The following SLC25A26 variants were observed in gnomAD, a reference collection of about 807,000 sequenced individuals.
SLC25A26 encodes mitochondrial S-adenosylmethionine carrier protein.
In SLC25A26, 36 loss-of-function variants were observed where a neutral mutation model predicts 37.8. That is an observed-to-expected ratio of 0.95 (90% CI 0.73 to 1.26). The LOEUF (loss-of-function observed/expected upper bound fraction) is 1.26, where lower values mean the gene tolerates loss of function less well. SLC25A26 is among the 50% of genes most tolerant of loss of function. The pLI, the probability that SLC25A26 is intolerant of heterozygous loss-of-function variation, is 0.00. For synonymous variants in SLC25A26, 129 were observed against 122.5 expected (o/e 1.05, Z -0.35); for missense variants, 390 against 331.1 (o/e 1.18, Z -1.38).
At chr3:66,221,904 C>G (rs1040891918) in intron 1 of SLC25A26, among the ~76,000 whole-genome samples, 1 of 151,418 alleles carries the variant, frequency 6.6e-6, no homozygotes, top group African/African-American at 2.4e-5. Flanking sequence ...AAATGGAGGC[C>G]CACAGTGATT....
Position 66,263,351 on chromosome 3 carries a change from G to T in SLC25A26, c.425G>T (p.Arg142Leu). 6.2e-7 allele frequency: 1 copy of T among 1,612,182 alleles called. No individual in the cohort carries two copies. The highest frequency in any genetic ancestry group is 8.5e-7 in the Non-Finnish European group (1 of 1,178,876). Reference protein sequence around the residue: ...LYEEGIQGLYRGYKSTVLREI... With the variant: ...LYEEGIQGLYLGYKSTVLREI... ...TTTCAGGGTATCCAAGGGTTGTATC[G>T]AGGCTATAAAAGCACAGTTTTAAGA... Residue 142 changes from arginine to leucine, a missense_variant, in exon 5 of 10, where the codon CGA becomes CTA. Transcript: ENST00000354883.
At chr3:66,225,371 G>A (rs373904598) in intron 1 of SLC25A26, among the ~76,000 whole-genome samples, 2 of 152,154 alleles carry the variant, frequency 1.3e-5, no homozygotes, top group Non-Finnish European at 2.9e-5. Flanking sequence ...TGCATCCTTC[G>A]AAGCCATAGC....
chr3:66,345,410 C>G (rs2076296525), intron 5 of SLC25A26, among the ~76,000 whole-genome samples: 1 of 151,914 alleles, frequency 6.6e-6, no homozygotes. Flanking sequence ...CTGCCCTTGC[C>G]CTCTCTCCAG....
At chr3:66,198,066 C>A (rs2106807265) in intron 1 of SLC25A26, among the ~76,000 whole-genome samples, 1 of 152,174 alleles carries the variant, frequency 6.6e-6, no homozygotes, top group South Asian at 2.1e-4. Flanking sequence ...CGGTCAAGGT[C>A]AGCCAGCATC....
intron 9 of SLC25A26, among the ~76,000 whole-genome samples, chr3:66,374,075 A>G (rs1178319854): frequency 2.0e-5 from 3 of 152,038 alleles, no homozygotes; most frequent in Admixed American, 2.0e-4. Context: ...GTTTTCTTCC[A>G]TAGACCTGAC....
chr3:66,322,074 A>T (rs994070689), intron 5 of SLC25A26, among the ~76,000 whole-genome samples: 1 of 152,148 alleles, frequency 6.6e-6, no homozygotes, highest in African/African-American at 2.4e-5. Flanking sequence ...AATTTCCAGC[A>T]CATGAACTTT....
At chr3:66,162,437 A>T (rs1227571710) in intron 1 of SLC25A26, among the ~76,000 whole-genome samples, 2 of 151,852 alleles carry the variant, frequency 1.3e-5, no homozygotes, top group Admixed American at 6.6e-5. Flanking sequence ...GGGCATCGAA[A>T]AAAAGCAGAA....
intron 1 of SLC25A26, among the ~76,000 whole-genome samples, chr3:66,223,200 A>G (rs2071582213): frequency 6.6e-6 from 1 of 152,234 alleles, no homozygotes; most frequent in Admixed American, 6.5e-5. Context: ...TCTTAGATGG[A>G]GTGACCAAGG....
intron 1 of SLC25A26, among the ~76,000 whole-genome samples, chr3:66,206,705 CTTTT>C (rs1315135962): frequency 7.5e-6 from 1 of 132,890 alleles, no homozygotes; most frequent in Non-Finnish European, 1.6e-5. Context: ...CTTACAGGTT[CTTTT>C]TTTTTTTTTT....
At chr3:66,335,968 G>A (rs2076085667) in intron 5 of SLC25A26, among the ~76,000 whole-genome samples, 1 of 152,116 alleles carries the variant, frequency 6.6e-6, no homozygotes, top group Non-Finnish European at 1.5e-5. Context: ...AAGCTATGGA[G>A]CTGTTCACAG....
At chr3:66,274,960 A>G (rs1295585098) in intron 5 of SLC25A26, among the ~76,000 whole-genome samples, 1 of 152,146 alleles carries the variant, frequency 6.6e-6, no homozygotes, top group Non-Finnish European at 1.5e-5. Flanking sequence ...ACGTATGTTT[A>G]TTGCGGCACT....
intron 5 of SLC25A26, among the ~76,000 whole-genome samples, chr3:66,275,507 A>G (rs1246397822): frequency 4.6e-5 from 7 of 152,148 alleles, no homozygotes; most frequent in African/African-American, 1.7e-4. Context: ...TCTAACACCT[A>G]GAAGAGTGTG....
intron 5 of SLC25A26, among the ~76,000 whole-genome samples, chr3:66,296,530 A>G (rs2074907469): frequency 6.6e-6 from 1 of 152,230 alleles, no homozygotes; most frequent in Non-Finnish European, 1.5e-5. Context: ...TTTTAAGAGT[A>G]AAAGCTTTGG....
chr3:66,263,140 T>C (rs986181535), intron 4 of SLC25A26, among the ~76,000 whole-genome samples, 192 bp from the exon 5 acceptor site: 13 of 152,240 alleles, frequency 8.5e-5, no homozygotes, highest in African/African-American at 2.2e-4. Context: ...GAGCTAGTTA[T>C]AGAGGTATAT....
At chr3:66,198,173 C>T (rs2071068748) in intron 1 of SLC25A26, among the ~76,000 whole-genome samples, 1 of 152,076 alleles carries the variant, frequency 6.6e-6, no homozygotes, top group Non-Finnish European at 1.5e-5. Flanking sequence ...TCAGAGTCAG[C>T]TTCAGGATCA....
chr3:66,283,714 ATTG>A (rs1274250122), intron 5 of SLC25A26, among the ~76,000 whole-genome samples: 15 of 152,190 alleles, frequency 9.9e-5, no homozygotes. Context: ...TTTATTTATT[ATTG>A]TTTTAATCTT....
chr3:66,369,661 C>T (rs1037425172), intron 8 of SLC25A26, 119 bp downstream of exon 8: 31 of 822,994 alleles, frequency 3.8e-5, no homozygotes, highest in Non-Finnish European at 6.1e-5. Context: ...GCATCTTATG[C>T]TGCCTGTGCA....
chr3:66,256,138 G>A (rs1174290457), intron 3 of SLC25A26, among the ~76,000 whole-genome samples: 5 of 152,080 alleles, frequency 3.3e-5, no homozygotes, highest in Non-Finnish European at 7.4e-5. Flanking sequence ...CAAGGAGTTA[G>A]TATACCCTTT....
intron 3 of SLC25A26, among the ~76,000 whole-genome samples, chr3:66,243,874 G>A (rs1440458892): frequency 1.3e-5 from 2 of 152,144 alleles, no homozygotes; most frequent in African/African-American, 4.8e-5. Context: ...TTTTCCATCA[G>A]CTTCTCCAAA....
Sources: gnomAD v4.1 joint callset for allele counts (sites outside exome capture counted in the v4.1 genomes callset) on GRCh38, gnomAD v4.1.1 for gene constraint, MANE v1.5 for transcripts, NCBI Gene and HGNC (gene_info 2026-07-23, HGNC 2026-07-21) for gene names.